HYDIN: variants seen among roughly 807,000 people sequenced by gnomAD.
The protein encoded by HYDIN is HYDIN axonemal central pair apparatus protein.
In HYDIN, 132 loss-of-function variants were observed where a neutral mutation model predicts 403.9. The ratio of observed to expected loss-of-function variants is 0.33; its 90% CI spans 0.28 to 0.38. HYDIN has a LOEUF of 0.38. Ranked by LOEUF, HYDIN falls within the 10% of genes least tolerant of loss-of-function variation. The pLI, the probability that HYDIN is intolerant of heterozygous loss-of-function variation, is 1.00. For missense variants in HYDIN, 2,827 were observed against 5,009.5 expected, an observed-to-expected ratio of 0.56 and a Z score of 13.15; for synonymous variants, 1,202 against 1,891.7, an observed-to-expected ratio of 0.64 and a Z score of 9.46.
intron 7 of HYDIN, among the ~76,000 whole-genome samples, chr16:71,144,991 A>G (rs1040964530): frequency 4.6e-5 from 7 of 152,090 alleles, no homozygotes; most frequent in Non-Finnish European, 8.8e-5. Context: ...TGAAAAGCCA[A>G]TGATCATGGC....
chr16:71,060,362 T>C (rs2082038975), intron 18 of HYDIN, 142 bp downstream of exon 18: 1 of 685,894 alleles, frequency 1.5e-6, no homozygotes, highest in Admixed American at 2.6e-5. Context: ...AAAGAAGAAC[T>C]GGGGATGGGA....
chr16:71,107,011 T>C (rs374856471), intron 10 of HYDIN, among the ~76,000 whole-genome samples: 4 of 148,444 alleles, frequency 2.7e-5, no homozygotes, highest in South Asian at 4.4e-4. Flanking sequence ...TGTAGGGACA[T>C]GGATGAAGCT....
At chr16:71,003,753 C>G (rs1385517334) in intron 23 of HYDIN, among the ~76,000 whole-genome samples, 1 of 151,142 alleles carries the variant, frequency 6.6e-6, no homozygotes, top group African/African-American at 2.4e-5. Context: ...GAGCCAAGAT[C>G]GCACCATTGC....
chr16:70,927,570 G>A (rs1313077541), intron 45 of HYDIN, among the ~76,000 whole-genome samples: 1 of 139,256 alleles, frequency 7.2e-6, no homozygotes, highest in African/African-American at 2.5e-5. Flanking sequence ...TGCTGGGCAG[G>A]AGCAGTCAAA....
At chr16:71,130,654 A>G (rs1186731779) in intron 8 of HYDIN, among the ~76,000 whole-genome samples, 1 of 150,790 alleles carries the variant, frequency 6.6e-6, no homozygotes, top group Non-Finnish European at 1.5e-5. Flanking sequence ...CGCCCGGCTA[A>G]TTTTTTGTAT....
At chr16:71,119,875 GA>G (rs2084190296) in intron 9 of HYDIN, among the ~76,000 whole-genome samples, 2 of 151,468 alleles carry the variant, frequency 1.3e-5, no homozygotes, top group African/African-American at 4.9e-5. Context: ...TCACGTCTTT[GA>G]AAGATTTCAT....
rs201418731 is a variant in HYDIN at position 70,818,722 on chromosome 16, C to T, written c.14428-150G>A. 103 of 561,482 alleles carry T rather than the reference C, an allele frequency of 1.8e-4. No homozygotes were observed. The East Asian group carries it at 2.5e-3, about 13-fold the overall frequency. 34.8% of individuals were successfully genotyped at this position (561,482 alleles called of 1,614,324 possible). A position where few individuals can be genotyped will look rare whatever the true frequency, so the allele number is the denominator to read the frequency against. ...GCTGACAGGACGCTCGCAGCCTATC[C>T]GGATCCCTGCCAGCCAGACTTTCTA... On this transcript the variant is annotated intron_variant, in intron 83 of 85. Transcript: ENST00000393567.
intron 84 of HYDIN, among the ~76,000 whole-genome samples, chr16:70,810,754 C>T (rs1011289351): frequency 7.9e-5 from 12 of 151,806 alleles, no homozygotes; most frequent in Non-Finnish European, 1.6e-4. Flanking sequence ...CACTTGAACC[C>T]GGGAAGGAGA....
chr16:71,179,893 T>C (rs1277266540), intron 3 of HYDIN, among the ~76,000 whole-genome samples: 1 of 152,228 alleles, frequency 6.6e-6, no homozygotes. Flanking sequence ...TATCCAATGA[T>C]GCCCTGTGAG....
chr16:70,847,663 A>G (rs1306439892), intron 75 of HYDIN, among the ~76,000 whole-genome samples: 1 of 151,696 alleles, frequency 6.6e-6, no homozygotes, highest in African/African-American at 2.4e-5. Context: ...CACTGTCTTC[A>G]GGCCTCCGAA....
chr16:70,955,710 T>A (rs2078213168), intron 39 of HYDIN, among the ~76,000 whole-genome samples, 162 bp from the exon 40 acceptor site: 1 of 152,084 alleles, frequency 6.6e-6, no homozygotes. Context: ...AAGGAAGACC[T>A]CAGCCTGGAG....
intron 60 of HYDIN, among the ~76,000 whole-genome samples, chr16:70,881,137 G>T (rs1377666158): frequency 2.2e-5 from 3 of 134,826 alleles, no homozygotes; most frequent in Non-Finnish European, 4.5e-5. Context: ...GAGGTGGGAG[G>T]ATCACTTGAG....
intron 10 of HYDIN, among the ~76,000 whole-genome samples, chr16:71,105,379 G>A (rs1463549968): frequency 6.0e-5 from 9 of 150,496 alleles, no homozygotes; most frequent in Admixed American, 3.3e-4. Context: ...TTGGAGAGAT[G>A]CTGAGTAACC....
chr16:71,020,862 GA>G (rs1156475631), intron 21 of HYDIN, among the ~76,000 whole-genome samples: 3 of 146,090 alleles, frequency 2.1e-5, no homozygotes, highest in Admixed American at 1.4e-4. Flanking sequence ...CTGAAAAGTG[GA>G]CCTACATAAC....
At chr16:70,984,482 T>C (rs2144027305) in intron 28 of HYDIN, among the ~76,000 whole-genome samples, 1 of 146,414 alleles carries the variant, frequency 6.8e-6, no homozygotes, top group South Asian at 2.2e-4. Flanking sequence ...TATTAAGATG[T>C]ATTTCTAAAG....
At chr16:71,222,894 AT>A (rs1424656720) in intron 1 of HYDIN, among the ~76,000 whole-genome samples, 1 of 152,210 alleles carries the variant, frequency 6.6e-6, no homozygotes, top group African/African-American at 2.4e-5. Flanking sequence ...AAGAATCAAC[AT>A]TGTGAAAATG....
intron 5 of HYDIN, among the ~76,000 whole-genome samples, chr16:71,164,848 C>T (rs1242691657): frequency 6.7e-6 from 1 of 149,092 alleles, no homozygotes; most frequent in Non-Finnish European, 1.5e-5. Context: ...ACAAAGACAG[C>T]TAAGGTCTGA....
At chr16:70,978,873 C>A (rs2078964118) in intron 30 of HYDIN, 41 bp downstream of exon 30, 1 of 1,547,414 alleles carries the variant, frequency 6.5e-7, no homozygotes, top group South Asian at 1.2e-5. Context: ...CACGCACCAC[C>A]CTCCTGCACA....
intron 83 of HYDIN, among the ~76,000 whole-genome samples, chr16:70,821,900 C>T (rs557657227): frequency 1.8e-3 from 272 of 152,152 alleles, no homozygotes; most frequent in Non-Finnish European, 3.3e-3. Context: ...ACTGTTGAGA[C>T]CTACTGCTCA....
Sources: allele counts gnomAD v4.1 joint callset (sites outside exome capture counted in the v4.1 genomes callset), GRCh38; gene constraint gnomAD v4.1.1; transcripts MANE v1.5; gene names NCBI Gene and HGNC (gene_info 2026-07-23, HGNC 2026-07-21).